Variants in DDX49 observed in about 807,000 individuals in gnomAD.
DDX49 encodes the protein DEAD-box helicase 49, also known as probable ATP-dependent RNA helicase DDX49.
Under a neutral mutation model 56.3 loss-of-function variants are expected in DDX49, and 50 were observed. That is an observed-to-expected ratio of 0.89 (90% CI 0.71 to 1.12). The LOEUF (loss-of-function observed/expected upper bound fraction) is 1.12, where lower values mean the gene tolerates loss of function less well. DDX49 is among the 50% of genes most tolerant of loss of function. The probability of loss-of-function intolerance (pLI) is 0.00; values close to 1 mark genes in which losing one functional copy is unlikely to be tolerated. For synonymous variants in DDX49, 269 were observed against 270.6 expected (o/e 0.99, Z 0.06); for missense variants, 614 against 650.5 (o/e 0.94, Z 0.61).
rs140875596 is a variant in DDX49 at position 18,924,716 on chromosome 19, C to T, written c.929+17C>T. On this transcript the variant is annotated intron_variant, in intron 8 of 12. Transcript: ENST00000247003. The stretch of plus-strand genomic sequence containing the variant: ...GGCCTCCCGGTGAGCAGCCCCCAGT[C>T]TCCTGCCAAGGGCACTCCCTCTTTT... 5 of 1,614,178 alleles carry T rather than the reference C, an allele frequency of 3.1e-6. No homozygotes were observed. In the Admixed American group the frequency reaches 5.0e-5, roughly 16 times the overall value.
At chr19:18,924,551 AC>A in intron 7 of DDX49, 71 bp from the exon 8 acceptor site, 2 of 1,537,004 alleles carry the variant, frequency 1.3e-6, no homozygotes, top group Middle Eastern at 1.7e-4. Flanking sequence ...CCCGGCCTCC[AC>A]CCTGTCCCGA....
chr19:18,925,928 C>T (rs2056957245), intron 9 of DDX49, among the ~76,000 whole-genome samples: 1 of 152,198 alleles, frequency 6.6e-6, no homozygotes, highest in African/African-American at 2.4e-5. Flanking sequence ...ACCTTGTCCA[C>T]CATCAGTGCA....
intron 2 of DDX49, 43 bp from the exon 3 acceptor site, chr19:18,921,620 C>T (rs745716054): frequency 1.3e-6 from 2 of 1,587,656 alleles, no homozygotes; most frequent in East Asian, 4.5e-5. Flanking sequence ...GGGGCAGGTC[C>T]AGAACCACTA....
Position 18,921,724 on chromosome 19 carries a change from G to A in DDX49, c.301G>A (p.Asp101Asn). Reference protein sequence around the residue: ...RVLGKPLGLKDCIIVGGMDMV... With the variant: ...RVLGKPLGLKNCIIVGGMDMV... ...CCTGGGGAAGCCTCTAGGGCTGAAA[G>A]ACTGCATCATCGTCGGTGGCATGGG... Residue 101 changes from aspartate to asparagine, a missense_variant, in exon 3 of 13, where the codon GAC becomes AAC. Coordinates refer to ENST00000247003, the MANE Select transcript of DDX49 (RefSeq NM_019070.5). 6.2e-7 allele frequency: 1 copy of A among 1,614,154 alleles called. No individual in the cohort carries two copies. The highest frequency in any genetic ancestry group is 8.5e-7 in the Non-Finnish European group (1 of 1,180,032).
chr19:18,926,238 T>C (rs1005888182), intron 9 of DDX49, 65 bp from the exon 10 acceptor site: 7 of 1,504,828 alleles, frequency 4.7e-6, no homozygotes, highest in African/African-American at 1.4e-5. Flanking sequence ...GCTGTCAGGA[T>C]CTACCTTTAT....
intron 9 of DDX49, among the ~76,000 whole-genome samples, chr19:18,926,027 T>G (rs1004738179): frequency 1.3e-5 from 2 of 152,216 alleles, no homozygotes; most frequent in African/African-American, 4.8e-5. Context: ...TTACTTAGAC[T>G]GGGTTCCCTG....
rs569072748 is a variant in DDX49, at chr19:18,920,812, A to T, written c.239+109A>T. The T allele has an allele frequency of 2.7e-5, 33 of 1,203,042 alleles. No individual in the cohort carries two copies. The African/African-American group carries it at 4.4e-4, about 16-fold the overall frequency. The allele number at this position is 1,203,042 out of a possible 1,614,324, so 74.5% of individuals were successfully genotyped here. A position where few individuals can be genotyped will look rare whatever the true frequency, so the allele number is the denominator to read the frequency against. On this transcript the variant is annotated intron_variant, in intron 2 of 12. Coordinates refer to ENST00000247003, the MANE Select transcript of DDX49 (RefSeq NM_019070.5). The stretch of plus-strand genomic sequence containing the variant: ...TTCCCACGTGTGAGATGAGCATGAA[A>T]ATCTTGCTACCCGCTTCTTAGGGGT...
intron 6 of DDX49, among the ~76,000 whole-genome samples, 185 bp downstream of exon 6, chr19:18,922,929 C>T (rs910973913): frequency 1.8e-4 from 27 of 152,202 alleles, no homozygotes; most frequent in African/African-American, 6.3e-4. Flanking sequence ...TTTGGGGTTC[C>T]TCAGCCCAGC....
chr19:18,927,930 G>A, intron 11 of DDX49, 35 bp from the exon 12 acceptor site: 1 of 1,613,860 alleles, frequency 6.2e-7, no homozygotes, highest in Non-Finnish European at 8.5e-7. Context: ...GGGCCCCCGT[G>A]ACCAGCATCT....
At position 18,924,394 on chromosome 19, in the gene DDX49, C is replaced by T. The variant is rs573005981; in HGVS notation, c.852+86C>T. ...GGCCCCGATCCTTCCTTCTGCCGGG[C>T]GCCTTCTTCCTGCCACCTGGTCTCT... On this transcript the variant is annotated intron_variant, in intron 7 of 12. Transcript: ENST00000247003. 2.6e-4 allele frequency: 358 copies of T among 1,382,608 alleles called. 4 individuals carry two copies. In the South Asian group the frequency reaches 3.8e-3, roughly 14 times the overall value. 85.6% of individuals were successfully genotyped at this position (1,382,608 alleles called of 1,614,324 possible). A position where few individuals can be genotyped will look rare whatever the true frequency, so the allele number is the denominator to read the frequency against.
chr19:18,919,915 C>T (rs2056900238), intron 1 of DDX49, 59 bp downstream of exon 1: 1 of 1,314,272 alleles, frequency 7.6e-7, no homozygotes, highest in Non-Finnish European at 1.0e-6. Context: ...ACTCCTTTCC[C>T]TTCTCGCAAC....
chr19:18,927,483 G>T (rs995662220), intron 10 of DDX49, among the ~76,000 whole-genome samples: 1 of 152,112 alleles, frequency 6.6e-6, no homozygotes, highest in Non-Finnish European at 1.5e-5. Flanking sequence ...ATGGCGGGGG[G>T]AGGCTGAGGC....
intron 7 of DDX49, 149 bp from the exon 8 acceptor site, chr19:18,924,474 G>T: frequency 9.4e-7 from 1 of 1,063,990 alleles, no homozygotes. Context: ...ATCTCTTTTA[G>T]CCGTCATTCA....
chr19:18,926,562 T>C (rs1336047551), intron 10 of DDX49, among the ~76,000 whole-genome samples, 185 bp downstream of exon 10: 1 of 151,924 alleles, frequency 6.6e-6, no homozygotes, highest in Non-Finnish European at 1.5e-5. Context: ...TGAAACAAAC[T>C]CCCCATAGTT....
chr19:18,925,104 A>G, intron 9 of DDX49, 125 bp downstream of exon 9: 3 of 1,275,472 alleles, frequency 2.4e-6, no homozygotes, highest in Non-Finnish European at 3.1e-6. Flanking sequence ...CCATGTTTGC[A>G]AGTTGGGGAG....
At chr19:18,921,815 GC>G in intron 3 of DDX49, 27 bp from the exon 4 acceptor site, 1 of 1,614,020 alleles carries the variant, frequency 6.2e-7, no homozygotes, top group Non-Finnish European at 8.5e-7. Flanking sequence ...CACCTGCCCA[GC>G]CCTGCCTCTC....
At chr19:18,927,495 T>G in intron 10 of DDX49, among the ~76,000 whole-genome samples, 1 of 151,598 alleles carries the variant, frequency 6.6e-6, no homozygotes. Context: ...GGCTGAGGCA[T>G]GAGAATTACT....
intron 10 of DDX49, among the ~76,000 whole-genome samples, chr19:18,927,125 G>C (rs1022420011): frequency 3.3e-5 from 5 of 151,082 alleles, no homozygotes; most frequent in Admixed American, 2.6e-4. Flanking sequence ...GCCGGGCACG[G>C]TGGCTCACAC....
chr19:18,921,624 A>G (rs1291099184), intron 2 of DDX49, 39 bp from the exon 3 acceptor site: 1 of 1,595,346 alleles, frequency 6.3e-7, no homozygotes, highest in African/African-American at 1.3e-5. Flanking sequence ...CAGGTCCAGA[A>G]CCACTACCTG....
Sources: allele counts gnomAD v4.1 joint callset (sites outside exome capture counted in the v4.1 genomes callset), GRCh38; gene constraint gnomAD v4.1.1; transcripts MANE v1.5; gene names NCBI Gene and HGNC (gene_info 2026-07-23, HGNC 2026-07-21).